The following FBRS variants were observed in gnomAD, a reference collection of about 807,000 sequenced individuals.
The protein encoded by FBRS is probable fibrosin-1.
In FBRS, 15 loss-of-function variants were observed where a neutral mutation model predicts 86.1. The ratio of observed to expected loss-of-function variants is 0.17; its 90% CI spans 0.12 to 0.27. The LOEUF is 0.27. Ranked by LOEUF, FBRS falls within the 10% of genes least tolerant of loss-of-function variation. The pLI, the probability that FBRS is intolerant of heterozygous loss-of-function variation, is 1.00. For synonymous variants in FBRS, 666 were observed against 575.8 expected (o/e 1.16, Z -2.24); for missense variants, 1,367 against 1,301.6 (o/e 1.05, Z -0.77).
Position 30,664,421 on chromosome 16 carries a change from C to T in FBRS, c.1262C>T (p.Pro421Leu). 1 of 1,423,636 alleles carries T rather than the reference C, an allele frequency of 7.0e-7. No individual in the cohort carries two copies. Among genetic ancestry groups the T allele is most frequent in the South Asian group, 1.4e-5 (1 of 69,796 alleles). 88.2% of individuals were successfully genotyped at this position (1,423,636 alleles called of 1,614,324 possible). A position where few individuals can be genotyped will look rare whatever the true frequency, so the allele number is the denominator to read the frequency against. The change falls in exon 7 of 18, where the codon CCC becomes CTC. Residue 421 changes from proline (P) to leucine (L), a missense_variant. Physicochemically the swap from Pro to Leu is moderately conservative, Grantham distance 98 (BLOSUM62 -3). Around this residue, in one of 3 missense-constraint regions of FBRS, gnomAD observed 702 missense variants for 598.7 expected, o/e 1.17. Coordinates refer to ENST00000356166, the MANE Select transcript of FBRS (RefSeq NM_001105079.3). ...CGGCCCCCCCCACCACCCCACCACCCCTCCTTGTTCTCCCCTGGCCCCACC... is the reference window on the plus strand; with the variant it reads ...CGGCCCCCCCCACCACCCCACCACCTCTCCTTGTTCTCCCCTGGCCCCACC... ...GLRPPPPPHH[P>L]SLFSPGPTLP...
At position 30,664,710 on chromosome 16, in the gene FBRS, C is replaced by T. The variant is rs961539332; in HGVS notation, c.1358-5C>T. ...ATTAAAGCCTTCTCCCGTCCCCTCCCACAGAGCAGGACCTGATCGGCCAGG... is the reference window on the plus strand; with the variant it reads ...ATTAAAGCCTTCTCCCGTCCCCTCCTACAGAGCAGGACCTGATCGGCCAGG... On this transcript the variant is annotated splice_polypyrimidine_tract_variant and splice_region_variant and intron_variant, in intron 7 of 17. Transcript: ENST00000356166. The T allele has an allele frequency of 6.6e-7, 1 of 1,516,200 alleles. No individual in the cohort carries two copies. Among genetic ancestry groups the T allele is most frequent in the Non-Finnish European group, 8.9e-7 (1 of 1,127,082 alleles). 93.9% of individuals were successfully genotyped at this position (1,516,200 alleles called of 1,614,324 possible).
Position 30,669,219 on chromosome 16 carries a change from TGCCGCC to T in FBRS, c.2523_2528del (p.Ala848_Ala849del). ...CTGCCGCCGCCGCTGCCGCTGCTGC[TGCCGCC>T]GCCGCTGCCGCCGCCGCAGCAGCCA... is the stretch of plus-strand genomic sequence containing the variant. On this transcript the variant is annotated inframe_deletion, in exon 18 of 18. Coordinates refer to ENST00000356166, the MANE Select transcript of FBRS (RefSeq NM_001105079.3). This position sits in a 1 kb window ranked among gnomAD's most constrained non-coding sequence, Gnocchi z 5.9. The T allele has an allele frequency of 1.3e-6, 2 of 1,544,376 alleles. No homozygotes were observed. The highest frequency in any genetic ancestry group is 4.9e-5 in the East Asian group (2 of 40,680).
chr16:30,664,411 C>A lies in FBRS; in HGVS notation c.1252C>A (p.Pro418Thr), dbSNP rs767869149. Residue 418 changes from proline to threonine, a missense_variant, in exon 7 of 18, where the codon CCC becomes ACC. By Grantham distance (38) the Pro-to-Thr change is conservative. This residue lies in a region of FBRS where 702 missense variants were observed against 598.7 expected (regional missense o/e 1.17). Coordinates refer to ENST00000356166, the MANE Select transcript of FBRS (RefSeq NM_001105079.3). ...PPPGLRPPPPPHHPSLFSPGP... is the reference protein window; with the variant it reads ...PPPGLRPPPPTHHPSLFSPGP... ...TCCCGGGCTGCGGCCCCCCCCACCACCCCACCACCCCTCCTTGTTCTCCCC... is the reference window on the plus strand; with the variant it reads ...TCCCGGGCTGCGGCCCCCCCCACCAACCCACCACCCCTCCTTGTTCTCCCC... 2.9e-6 allele frequency: 4 copies of A among 1,402,440 alleles called. No individual in the cohort carries two copies. The highest frequency in any genetic ancestry group is 1.4e-5 in the African/African-American group (1 of 69,104). 86.9% of individuals were successfully genotyped at this position (1,402,440 alleles called of 1,614,324 possible). A position where few individuals can be genotyped will look rare whatever the true frequency, so the allele number is the denominator to read the frequency against.
At position 30,666,507 on chromosome 16, in the gene FBRS, C is replaced by G; in HGVS notation, c.1774-5C>G. The G allele has an allele frequency of 6.2e-7, 1 of 1,614,024 alleles. No homozygotes were observed. Among genetic ancestry groups the G allele is most frequent in the Non-Finnish European group, 8.5e-7 (1 of 1,179,902 alleles). ...CGCCTCCCATCTCTCCTTTGCCATC[C>G]CCAGATCCCCGACCATTTCCGGCCA... On this transcript the variant is annotated splice_polypyrimidine_tract_variant and splice_region_variant and intron_variant, in intron 11 of 17. Coordinates refer to ENST00000356166, the MANE Select transcript of FBRS (RefSeq NM_001105079.3).
At position 30,659,845 on chromosome 16, in the gene FBRS, G is replaced by GGAA; in HGVS notation, c.329_330insAGA (p.Glu115dup). ...GCTCGGGCAGCCGCGGGGAGGAAGAGGAGGAGGAGGAGGAGGAGGGGGGCG... is the reference window on the plus strand; with the variant it reads ...GCTCGGGCAGCCGCGGGGAGGAAGAGGAAGAGGAGGAGGAGGAGGAGGGGGGCG... On this transcript the variant is annotated inframe_insertion, in exon 1 of 18. Transcript: ENST00000356166. 7.3e-7 allele frequency: 1 copy of GGAA among 1,373,506 alleles called. No homozygotes were observed. Among genetic ancestry groups the GGAA allele is most frequent in the Non-Finnish European group, 9.7e-7 (1 of 1,029,922 alleles). 85.1% of individuals were successfully genotyped at this position (1,373,506 alleles called of 1,614,324 possible).
intron 11 of FBRS, chr16:30,666,175 C>G: frequency 2.1e-6 from 1 of 470,322 alleles, no homozygotes; most frequent in Non-Finnish European, 3.8e-6. Context: ...CAACTTCCTT[C>G]AAAGGCATTT....
rs1314130727 is a variant in FBRS, at chr16:30,659,362, T to G, written c.-157T>G. On this transcript the variant is annotated 5_prime_UTR_variant, in exon 1 of 18. Coordinates refer to ENST00000356166, the MANE Select transcript of FBRS (RefSeq NM_001105079.3). Reference sequence around the variant, plus strand: ...GGCGCCGGCTCCCCGGGCCGTGGCCTTGGGGCAAGCTCGGGGCCAGCAGAT... The same window carrying G: ...GGCGCCGGCTCCCCGGGCCGTGGCCGTGGGGCAAGCTCGGGGCCAGCAGAT... 2.1e-5 allele frequency: 4 copies of G among 193,296 alleles called. No individual in the cohort carries two copies. The highest frequency in any genetic ancestry group is 2.4e-5 in the African/African-American group (1 of 42,076). 12.0% of individuals were successfully genotyped at this position (193,296 alleles called of 1,614,324 possible).
At position 30,664,789 on chromosome 16, in the gene FBRS, G is replaced by T; in HGVS notation, c.1432G>T (p.Gly478Trp). ...GGGTGGCCCTGAGGTGGTGGGGGCA[G>T]GGGGCTCGGCCCGGCCCCTGGCCTT... ...AQGGPEVVGA[G>W]GSARPLAFQF... The change falls in exon 8 of 18, where the codon GGG becomes TGG. Residue 478 changes from glycine (G) to tryptophan (W), a missense_variant. Coordinates refer to ENST00000356166, the MANE Select transcript of FBRS (RefSeq NM_001105079.3). 1 of 1,553,666 alleles carries T rather than the reference G, an allele frequency of 6.4e-7. No individual in the cohort carries two copies. Among genetic ancestry groups the T allele is most frequent in the Non-Finnish European group, 8.7e-7 (1 of 1,148,160 alleles).
At chr16:30,663,406 G>A (rs2052483794) in intron 6 of FBRS, among the ~76,000 whole-genome samples, 1 of 152,060 alleles carries the variant, frequency 6.6e-6, no homozygotes, top group Non-Finnish European at 1.5e-5. Context: ...GGTCTTACGT[G>A]AGTAAACTTT....
intron 2 of FBRS, 118 bp from the exon 3 acceptor site, chr16:30,661,062 C>T (rs2151266271): frequency 1.4e-6 from 2 of 1,466,050 alleles, no homozygotes; most frequent in South Asian, 2.6e-5. Context: ...GGAGAAGCAG[C>T]TGGAAGGAGA....
Position 30,664,811 on chromosome 16 carries a change from C to A in FBRS, c.1454C>A (p.Ala485Asp). The change falls in exon 8 of 18, where the codon GCC (alanine) becomes GAC (aspartate). Residue 485 changes from alanine to aspartate, a missense_variant. Physicochemically the swap from Ala to Asp is moderately radical, Grantham distance 126. This residue lies in a region of FBRS where 702 missense variants were observed against 598.7 expected (regional missense o/e 1.17). Coordinates refer to ENST00000356166, the MANE Select transcript of FBRS (RefSeq NM_001105079.3). ...GCAGGGGGCTCGGCCCGGCCCCTGG[C>A]CTTCCAGTTCCACCAGCACAACCAC... ...VGAGGSARPL[A>D]FQFHQHNHQH... 6.4e-7 allele frequency: 1 copy of A among 1,559,382 alleles called. No homozygotes were observed.
At chr16:30,662,333 T>C in intron 4 of FBRS, 87 bp from the exon 5 acceptor site, 2 of 1,533,444 alleles carry the variant, frequency 1.3e-6, no homozygotes, top group South Asian at 1.2e-5. Flanking sequence ...CACCAGTTCC[T>C]AGCAGCCTCC....
chr16:30,667,523 TC>T lies in FBRS; in HGVS notation c.1994-16del. ...GTGCCCACTCAGCCTCATCAGAATC[TC>T]CCACCTCTCTGCCCCAGGTGCCGTC... On this transcript the variant is annotated intron_variant, in intron 14 of 17. Transcript: ENST00000356166. The T allele has an allele frequency of 6.6e-7, 1 of 1,525,300 alleles. No individual in the cohort carries two copies. Among genetic ancestry groups the T allele is most frequent in the South Asian group, 1.2e-5 (1 of 81,026 alleles). The allele number at this position is 1,525,300 out of a possible 1,614,324, so 94.5% of individuals were successfully genotyped here.
intron 15 of FBRS, 41 bp downstream of exon 15, chr16:30,667,663 C>T (rs2052539834): frequency 2.1e-6 from 3 of 1,448,856 alleles, no homozygotes; most frequent in Non-Finnish European, 2.7e-6. Context: ...GGCTTTGTCC[C>T]TGACTTCCAG....
intron 6 of FBRS, among the ~76,000 whole-genome samples, chr16:30,663,517 A>T (rs2052485125): frequency 8.9e-6 from 1 of 112,060 alleles, no homozygotes; most frequent in South Asian, 2.5e-4. Flanking sequence ...AGGCTAAGTT[A>T]AAAAAAAAAA....
rs746496872 is a variant in FBRS at position 30,666,493 on chromosome 16, T to G, written c.1774-19T>G. 6.2e-7 allele frequency: 1 copy of G among 1,613,936 alleles called. No homozygotes were observed. The highest frequency in any genetic ancestry group is 1.1e-5 in the South Asian group (1 of 91,080). On this transcript the variant is annotated intron_variant, in intron 11 of 17. Transcript: ENST00000356166. ...ACTCGGGTCTGAGTCGCCTCCCATC[T>G]CTCCTTTGCCATCCCCAGATCCCCG...
chr16:30,661,987 G>T, intron 4 of FBRS: 1 of 200,232 alleles, frequency 5.0e-6, no homozygotes, highest in Non-Finnish European at 1.0e-5. Flanking sequence ...TACGAGAACA[G>T]GGGGCCCATT....
At chr16:30,663,429 T>A (rs1026895480) in intron 6 of FBRS, among the ~76,000 whole-genome samples, 1 of 152,074 alleles carries the variant, frequency 6.6e-6, no homozygotes, top group African/African-American at 2.4e-5. Context: ...AAAATAGTCC[T>A]GAGTTAGCTT....
At chr16:30,662,196 T>G in intron 4 of FBRS, 2 of 644,884 alleles carry the variant, frequency 3.1e-6, no homozygotes, top group South Asian at 4.2e-5. Context: ...CTGCCTCCAT[T>G]TAGTCCTCTT....
Sources: gnomAD v4.1 joint callset for allele counts (sites outside exome capture counted in the v4.1 genomes callset) on GRCh38, gnomAD v4.1.1 for gene constraint, gnomAD v4.1.1 regional missense constraint, Gnocchi (gnomAD v3.1) non-coding constraint, MANE v1.5 for transcripts, NCBI Gene and HGNC (gene_info 2026-07-23, HGNC 2026-07-21) for gene names.